GRM5: variants seen among roughly 807,000 people sequenced by gnomAD.
GRM5 encodes the protein glutamate metabotropic receptor 5, also known as metabotropic glutamate receptor 5.
A neutral mutation model predicts 83.1 loss-of-function variants in GRM5; 19 were observed. That is an observed-to-expected ratio of 0.23 (90% CI 0.16 to 0.34). The LOEUF (loss-of-function observed/expected upper bound fraction) is 0.34, where lower values mean the gene tolerates loss of function less well. Among genes scored for constraint, GRM5 ranks in the 10% least tolerant of loss-of-function variants. The probability of loss-of-function intolerance (pLI) is 1.00; values close to 1 mark genes in which losing one functional copy is unlikely to be tolerated. For missense variants in GRM5, 1,160 were observed against 1,588.3 expected, an observed-to-expected ratio of 0.73 and a Z score of 4.58; for synonymous variants, 675 against 633.6, an observed-to-expected ratio of 1.07 and a Z score of -0.98.
chr11:88,553,927 T>C (rs1942566628), intron 8 of GRM5, among the ~76,000 whole-genome samples: 1 of 152,200 alleles, frequency 6.6e-6, no homozygotes, highest in African/African-American at 2.4e-5. Context: ...CAAGATAGTC[T>C]ACCTTTTAAG....
At chr11:88,998,347 T>C (rs1463384571) in intron 2 of GRM5, among the ~76,000 whole-genome samples, 1 of 152,094 alleles carries the variant, frequency 6.6e-6, no homozygotes, top group East Asian at 1.9e-4. Flanking sequence ...AACGCAGAGA[T>C]ACCATTTGAT....
intron 9 of GRM5, chr11:88,511,715 A>C (rs1256911621): frequency 6.6e-6 from 1 of 152,240 alleles, no homozygotes; most frequent in Non-Finnish European, 1.5e-5. Flanking sequence ...ATTTTGCATT[A>C]GCCTGACTTA....
At chr11:88,993,842 C>T (rs1030389560) in intron 2 of GRM5, among the ~76,000 whole-genome samples, 1 of 152,074 alleles carries the variant, frequency 6.6e-6, no homozygotes, top group African/African-American at 2.4e-5. Flanking sequence ...TCACCTTAGC[C>T]TCCTGAGTAC....
In GRM5 at chr11:88,727,587, C is replaced by A. The variant is rs545189205; in HGVS notation, c.912-74184G>T. On this transcript the variant is annotated intron_variant, in intron 3 of 9. Coordinates refer to ENST00000305447, the MANE Select transcript of GRM5 (RefSeq NM_001143831.3). ...TCCCCAAATCAAGAGAATATACATT[C>A]TTCTCAGCACCACATCACACTTATT... 2.0e-5 allele frequency among the ~76,000 whole-genome samples: 3 copies of A among 152,298 alleles called. No homozygotes were observed. The East Asian group carries it at 5.8e-4, about 29-fold the overall frequency.
intron 2 of GRM5, among the ~76,000 whole-genome samples, chr11:88,927,189 A>G (rs1479223890): frequency 6.6e-6 from 1 of 152,156 alleles, no homozygotes; most frequent in East Asian, 1.9e-4. Context: ...AAGGAAGTCA[A>G]TATAGTTCAG....
chr11:88,627,581 T>C (rs1036890566), intron 4 of GRM5, among the ~76,000 whole-genome samples: 1 of 152,146 alleles, frequency 6.6e-6, no homozygotes, highest in Non-Finnish European at 1.5e-5. Context: ...AAATTTGAAA[T>C]ATTTTAAGCA....
intron 2 of GRM5, among the ~76,000 whole-genome samples, chr11:88,966,357 A>T (rs1938961308): frequency 6.6e-6 from 1 of 152,110 alleles, no homozygotes; most frequent in South Asian, 2.1e-4. Flanking sequence ...AAGCAAATCG[A>T]AAAACTAGGA....
At chr11:88,591,379 C>T (rs1937636810) in intron 6 of GRM5, among the ~76,000 whole-genome samples, 1 of 152,028 alleles carries the variant, frequency 6.6e-6, no homozygotes, top group Non-Finnish European at 1.5e-5. Context: ...TATTATATAC[C>T]TCTTAATCTA....
intron 3 of GRM5, among the ~76,000 whole-genome samples, chr11:88,771,571 T>A (rs370633486): frequency 2.6e-5 from 4 of 152,088 alleles, no homozygotes; most frequent in African/African-American, 9.7e-5. Flanking sequence ...TTCTGCCTGC[T>A]TTGTTCTAAT....
At chr11:88,851,542 C>T (rs576616794) in intron 2 of GRM5, among the ~76,000 whole-genome samples, 43 of 152,316 alleles carry the variant, frequency 2.8e-4, no homozygotes, top group African/African-American at 9.6e-4. Flanking sequence ...CTTACAACAA[C>T]TCTGTGATAA....
intron 4 of GRM5, among the ~76,000 whole-genome samples, chr11:88,616,572 T>C (rs1291950444): frequency 6.6e-6 from 1 of 151,934 alleles, no homozygotes; most frequent in Admixed American, 6.6e-5. Flanking sequence ...CTGAATATAT[T>C]TTGAAAGCAT....
At chr11:88,771,376 C>T (rs2135450203) in intron 3 of GRM5, among the ~76,000 whole-genome samples, 1 of 152,212 alleles carries the variant, frequency 6.6e-6, no homozygotes, top group East Asian at 1.9e-4. Context: ...CGGAAACTGA[C>T]AATGGAGCCT....
intron 3 of GRM5, among the ~76,000 whole-genome samples, chr11:88,660,787 C>A (rs1222763749): frequency 6.6e-6 from 1 of 152,204 alleles, no homozygotes; most frequent in East Asian, 1.9e-4. Context: ...TAGTTTCACA[C>A]TCCTAAGCCT....
chr11:88,987,645 G>C (rs7478753), intron 2 of GRM5, among the ~76,000 whole-genome samples: 64,678 of 151,628 alleles, frequency 0.43, 15,220 homozygotes, highest in South Asian at 0.6. Flanking sequence ...GGTTCTCCCA[G>C]CACGCAGCTG....
chr11:88,563,012 G>T (rs1942792373), intron 8 of GRM5, among the ~76,000 whole-genome samples: 1 of 152,128 alleles, frequency 6.6e-6, no homozygotes, highest in Non-Finnish European at 1.5e-5. Flanking sequence ...AACACCCGAA[G>T]AAATCTCCCT....
In GRM5 at chr11:88,708,493, A is replaced by G. The variant is rs115921258; in HGVS notation, c.912-55090T>C. Among the ~76,000 whole-genome samples the G allele has an allele frequency of 2.6e-3, 396 of 152,148 alleles. 1 individual carries two copies. The highest frequency in any genetic ancestry group is 9.2e-3 in the African/African-American group (381 of 41,554). On this transcript the variant is annotated intron_variant, in intron 3 of 9. Transcript: ENST00000305447. The stretch of plus-strand genomic sequence containing the variant: ...TTTGAGGTATGAGTATTGTTTTCGA[A>G]TTGTGTCTCTGTCACTTAACATGTA...
chr11:88,914,995 G>T (rs967172054), intron 2 of GRM5, among the ~76,000 whole-genome samples: 1 of 152,006 alleles, frequency 6.6e-6, no homozygotes, highest in African/African-American at 2.4e-5. Context: ...GAAAATTAAG[G>T]TTTCCTTAAC....
At chr11:88,621,833 G>T (rs1168469501) in intron 4 of GRM5, among the ~76,000 whole-genome samples, 1 of 152,060 alleles carries the variant, frequency 6.6e-6, no homozygotes, top group Non-Finnish European at 1.5e-5. Flanking sequence ...TTGCAAAAAC[G>T]AATTACATTG....
chr11:88,662,995 T>C (rs1499041), intron 3 of GRM5, among the ~76,000 whole-genome samples: 106,118 of 152,216 alleles, frequency 0.7, 38,274 homozygotes, highest in South Asian at 0.85. Flanking sequence ...ATCCAGAAAG[T>C]ATGAAATAAT....
Sources: gnomAD v4.1 joint callset for allele counts (sites outside exome capture counted in the v4.1 genomes callset) on GRCh38, gnomAD v4.1.1 for gene constraint, MANE v1.5 for transcripts, NCBI Gene and HGNC (gene_info 2026-07-23, HGNC 2026-07-21) for gene names.